The following GNA14 variants were observed in gnomAD, a reference collection of about 807,000 sequenced individuals.
GNA14 encodes the protein guanine nucleotide-binding protein subunit alpha-14.
Under a neutral mutation model 42.0 loss-of-function variants are expected in GNA14, and 50 were observed. That is an observed-to-expected ratio of 1.19 (90% CI 0.95 to 1.51). GNA14 has a LOEUF of 1.51. Ranked by LOEUF, GNA14 falls within the 40% of genes most tolerant of loss-of-function variation. GNA14 has a pLI of 0.00. For missense variants in GNA14, 473 were observed against 446.2 expected, an observed-to-expected ratio of 1.06 and a Z score of -0.54; for synonymous variants, 173 against 163.1, an observed-to-expected ratio of 1.06 and a Z score of -0.46.
intron 1 of GNA14, among the ~76,000 whole-genome samples, chr9:77,613,528 A>G (rs1357314047): frequency 6.6e-6 from 1 of 152,236 alleles, no homozygotes. Context: ...AACAGCGTAG[A>G]TCTTAAGTGT....
Position 77,423,714 on chromosome 9 carries a change from C to G in GNA14, c.*265G>C, listed in dbSNP as rs1480316126. 8.4e-6 allele frequency: 2 copies of G among 239,258 alleles called. No homozygotes were observed. Among genetic ancestry groups the G allele is most frequent in the Non-Finnish European group, 1.6e-5 (2 of 125,738 alleles). The allele number at this position is 239,258 out of a possible 1,614,324, so 14.8% of individuals were successfully genotyped here. On this transcript the variant is annotated 3_prime_UTR_variant, in exon 7 of 7. Coordinates refer to ENST00000341700, the MANE Select transcript of GNA14 (RefSeq NM_004297.4). Reference sequence around the variant, plus strand: ...TGGCTTTTAAAAATTCTAGAAAACACCAAATTCAAAAATTACACAAAATCT... The same window carrying G: ...TGGCTTTTAAAAATTCTAGAAAACAGCAAATTCAAAAATTACACAAAATCT...
intron 2 of GNA14, among the ~76,000 whole-genome samples, chr9:77,442,378 A>G (rs917923819): frequency 6.6e-6 from 1 of 152,252 alleles, no homozygotes; most frequent in African/African-American, 2.4e-5. Context: ...TCTCAAAAAA[A>G]GAAAGAAAGC....
At chr9:77,620,909 T>C (rs1302625988) in intron 1 of GNA14, among the ~76,000 whole-genome samples, 1 of 146,908 alleles carries the variant, frequency 6.8e-6, no homozygotes, top group Non-Finnish European at 1.5e-5. Context: ...TCTCTTTAAA[T>C]AAAATTTTTT....
chr9:77,521,807 C>A (rs568132631), intron 2 of GNA14, among the ~76,000 whole-genome samples: 1 of 152,136 alleles, frequency 6.6e-6, no homozygotes, highest in South Asian at 2.1e-4. Context: ...AATATAATGT[C>A]TTTATTTACT....
At position 77,647,850 on chromosome 9, in the gene GNA14, G is replaced by C; in HGVS notation, c.-57C>G. The C allele has an allele frequency of 2.6e-6, 4 of 1,565,752 alleles. No individual in the cohort carries two copies. Among genetic ancestry groups the C allele is most frequent in the Non-Finnish European group, 3.4e-6 (4 of 1,160,772 alleles). On this transcript the variant is annotated 5_prime_UTR_variant, in exon 1 of 7. Coordinates refer to ENST00000341700, the MANE Select transcript of GNA14 (RefSeq NM_004297.4). ...CGCGGCCCCGGGCACCCGAATCCTC[G>C]GCCCGGCCGCTCACCCGGCCAGCAT...
Position 77,443,794 on chromosome 9 carries a change from C to T in GNA14, c.310-9272G>A, listed in dbSNP as rs1302274094. On this transcript the variant is annotated intron_variant, in intron 2 of 6. Coordinates refer to ENST00000341700, the MANE Select transcript of GNA14 (RefSeq NM_004297.4). ...TTCGAGACCAGCGTAGGCAAAAAAA[C>T]AAGACCCACATCTCTAAAAATAAAA... 2.0e-5 allele frequency among the ~76,000 whole-genome samples: 3 copies of T among 152,124 alleles called. No homozygotes were observed. In the South Asian group the frequency reaches 6.2e-4, roughly 31 times the overall value.
At chr9:77,537,244 C>A (rs1751831506) in intron 1 of GNA14, among the ~76,000 whole-genome samples, 1 of 152,138 alleles carries the variant, frequency 6.6e-6, no homozygotes, top group Admixed American at 6.5e-5. Flanking sequence ...ACCACACCCC[C>A]TTCCTGGCCT....
chr9:77,504,566 GA>G (rs1837032717), intron 2 of GNA14, among the ~76,000 whole-genome samples: 1 of 148,100 alleles, frequency 6.8e-6, no homozygotes, highest in Non-Finnish European at 1.5e-5. Flanking sequence ...GAGAGAGAGA[GA>G]GAGAAACAAG....
chr9:77,531,720 G>A (rs866420964), intron 1 of GNA14, among the ~76,000 whole-genome samples: 1 of 152,114 alleles, frequency 6.6e-6, no homozygotes, highest in Non-Finnish European at 1.5e-5. Flanking sequence ...TACACTAAGA[G>A]AATCTTTTTG....
At chr9:77,516,468 TG>T (rs2131755226) in intron 2 of GNA14, among the ~76,000 whole-genome samples, 2 of 152,308 alleles carry the variant, frequency 1.3e-5, no homozygotes, top group South Asian at 4.1e-4. Context: ...GGCTCACACC[TG>T]TAATCCCAGC....
chr9:77,429,009 C>G lies in GNA14; in HGVS notation c.621G>C (p.Ser207=). The part of the protein sequence containing the change: ...FRMVDVGGQR[S]ERRKWIHCFE... ...AGCAGTGAATCCACTTCCGTCTTTC[C>G]GATCGTTGGCCACCAACATCCACCA... Residue 207 remains serine (S), a synonymous_variant, in exon 5 of 7, where the codon TCG becomes TCC. Transcript: ENST00000341700. The G allele has an allele frequency of 6.2e-7, 1 of 1,614,028 alleles. No individual in the cohort carries two copies. The highest frequency in any genetic ancestry group is 8.5e-7 in the Non-Finnish European group (1 of 1,179,930).
At chr9:77,491,243 A>G (rs1003704539) in intron 2 of GNA14, among the ~76,000 whole-genome samples, 2 of 152,262 alleles carry the variant, frequency 1.3e-5, no homozygotes, top group Non-Finnish European at 2.9e-5. Flanking sequence ...AAATGCTAAC[A>G]TGCAAAAAGG....
At chr9:77,504,128 GT>G (rs1353201775) in intron 2 of GNA14, among the ~76,000 whole-genome samples, 1 of 152,142 alleles carries the variant, frequency 6.6e-6, no homozygotes, top group East Asian at 1.9e-4. Flanking sequence ...GCCTACTTTT[GT>G]TAAGTTTCCA....
chr9:77,537,660 G>C (rs947169621), intron 1 of GNA14, among the ~76,000 whole-genome samples: 1 of 152,152 alleles, frequency 6.6e-6, no homozygotes, highest in Non-Finnish European at 1.5e-5. Flanking sequence ...TCTCCATACT[G>C]TTTTCCATAG....
chr9:77,532,363 C>T (rs1156917551), intron 1 of GNA14, among the ~76,000 whole-genome samples: 1 of 152,180 alleles, frequency 6.6e-6, no homozygotes, highest in Non-Finnish European at 1.5e-5. Context: ...AGATTTCAAT[C>T]CCTGGAACTT....
At chr9:77,514,308 G>A (rs1419974560) in intron 2 of GNA14, among the ~76,000 whole-genome samples, 1 of 152,116 alleles carries the variant, frequency 6.6e-6, no homozygotes, top group East Asian at 1.9e-4. Flanking sequence ...GTCCTCTGAG[G>A]TTGTGGATAC....
intron 2 of GNA14, among the ~76,000 whole-genome samples, chr9:77,440,296 C>T (rs972224505): frequency 1.3e-5 from 2 of 152,200 alleles, no homozygotes; most frequent in African/African-American, 4.8e-5. Flanking sequence ...CGCAGGGATC[C>T]GTGGCTGCCG....
intron 1 of GNA14, among the ~76,000 whole-genome samples, chr9:77,618,476 T>C (rs1038238175): frequency 6.6e-6 from 1 of 150,618 alleles, no homozygotes; most frequent in East Asian, 1.9e-4. Flanking sequence ...TGGTACCCAG[T>C]AGTTACGTGG....
intron 2 of GNA14, among the ~76,000 whole-genome samples, chr9:77,488,793 A>C (rs1218263091): frequency 6.7e-6 from 1 of 149,846 alleles, no homozygotes; most frequent in Non-Finnish European, 1.5e-5. Flanking sequence ...TTAAAAAAAA[A>C]AAAAAAAAAA....
Sources: gnomAD v4.1 joint callset for allele counts (sites outside exome capture counted in the v4.1 genomes callset) on GRCh38, gnomAD v4.1.1 for gene constraint, MANE v1.5 for transcripts, NCBI Gene and HGNC (gene_info 2026-07-23, HGNC 2026-07-21) for gene names.